EXOC5: variants seen among roughly 807,000 people sequenced by gnomAD.
EXOC5 encodes the protein SEC10-like 1.
EXOC5 carries 17 observed loss-of-function variants against 90.8 expected under a neutral mutation model. The ratio of observed to expected loss-of-function variants is 0.19; its 90% confidence interval spans 0.13 to 0.28. EXOC5 has a LOEUF of 0.28. Ranked by LOEUF, EXOC5 falls within the 10% of genes least tolerant of loss-of-function variation. The probability of loss-of-function intolerance (pLI) is 1.00; values close to 1 mark genes in which losing one functional copy is unlikely to be tolerated. For missense variants in EXOC5, 569 were observed against 830.6 expected (o/e 0.69, Z 3.87); for synonymous variants, 260 against 270.0 (o/e 0.96, Z 0.36).
At chr14:57,235,857 A>G in intron 6 of EXOC5, 37 bp from the exon 7 acceptor site, 2 of 963,486 alleles carry the variant, frequency 2.1e-6, no homozygotes, top group Non-Finnish European at 3.3e-6. Context: ...TGAGGCATAC[A>G]AGGCATCCAC....
chr14:57,211,391 C>T (rs542122016), intron 15 of EXOC5, among the ~76,000 whole-genome samples: 44 of 150,978 alleles, frequency 2.9e-4, no homozygotes, highest in East Asian at 3.9e-4. Context: ...AGAAGTCAGA[C>T]GTCACTTTTT....
Position 57,229,804 on chromosome 14 carries a change from G to T in EXOC5, c.1226C>A (p.Thr409Asn), listed in dbSNP as rs1237035905. The change falls in exon 12 of 18, where the codon ACT becomes AAT. Residue 409 changes from threonine to asparagine, a missense_variant. By Grantham distance (65) the Thr-to-Asn change is moderately conservative. Transcript: ENST00000621441. ...AACCACCACTTCTTGGGATAGAAAAGTCTCCCCATGAGTATCGATACTTGG... is the reference window on the plus strand; with the variant it reads ...AACCACCACTTCTTGGGATAGAAAATTCTCCCCATGAGTATCGATACTTGG... Reference protein sequence around the residue: ...LGPSIDTHGETFLSQEVVVNL... With the variant: ...LGPSIDTHGENFLSQEVVVNL... The T allele has an allele frequency of 6.5e-7, 1 of 1,529,788 alleles. No individual in the cohort carries two copies. Among genetic ancestry groups the T allele is most frequent in the Admixed American group, 2.0e-5 (1 of 50,826 alleles). 94.8% of individuals were successfully genotyped at this position (1,529,788 alleles called of 1,614,324 possible). A position where few individuals can be genotyped will look rare whatever the true frequency, so the allele number is the denominator to read the frequency against.
intron 15 of EXOC5, among the ~76,000 whole-genome samples, chr14:57,214,313 T>A (rs1050821203): frequency 6.6e-6 from 1 of 152,210 alleles, no homozygotes; most frequent in African/African-American, 2.4e-5. Context: ...AACCGTGTGC[T>A]GTGCATCTGT....
chr14:57,263,422 A>G (rs1884574061), intron 1 of EXOC5, among the ~76,000 whole-genome samples: 1 of 151,668 alleles, frequency 6.6e-6, no homozygotes, highest in Non-Finnish European at 1.5e-5. Flanking sequence ...GTGAGCTGTG[A>G]TTACACTACT....
chr14:57,267,438 TA>T (rs1884705259), intron 1 of EXOC5, among the ~76,000 whole-genome samples: 1 of 152,214 alleles, frequency 6.6e-6, no homozygotes, highest in Non-Finnish European at 1.5e-5. Flanking sequence ...CATTTGTTAT[TA>T]AAACTGTGGC....
At chr14:57,234,778 T>C (rs1360144874) in intron 7 of EXOC5, among the ~76,000 whole-genome samples, 1 of 151,892 alleles carries the variant, frequency 6.6e-6, no homozygotes, top group African/African-American at 2.4e-5. Flanking sequence ...TTGCCTAAGC[T>C]GATCTCGAAC....
intron 1 of EXOC5, among the ~76,000 whole-genome samples, chr14:57,266,568 AC>A (rs1364482759): frequency 2.0e-5 from 3 of 152,110 alleles, no homozygotes; most frequent in African/African-American, 7.2e-5. Context: ...ATCTATAAAT[AC>A]GTTTAAATTT....
At chr14:57,244,462 A>G (rs1883972825) in intron 3 of EXOC5, 103 bp from the exon 4 acceptor site, 2 of 840,010 alleles carry the variant, frequency 2.4e-6, no homozygotes, top group African/African-American at 1.7e-5. Context: ...GAAGTTATAT[A>G]CGAGATGATC....
chr14:57,210,096 T>C lies in EXOC5; in HGVS notation c.1614-35A>G, dbSNP rs948293632. The stretch of plus-strand genomic sequence containing the variant: ...TGAGAATACAACATTCTTTAACCCA[T>C]CTAACTTACTCTATGTTTATGTTTA... On this transcript the variant is annotated intron_variant, in intron 15 of 17. Coordinates refer to ENST00000621441, the MANE Select transcript of EXOC5 (RefSeq NM_006544.4). 3 of 896,490 alleles carry C rather than the reference T, an allele frequency of 3.3e-6. No individual in the cohort carries two copies. The East Asian group carries it at 7.6e-5, about 23-fold the overall frequency. The allele number at this position is 896,490 out of a possible 1,614,324, so 55.5% of individuals were successfully genotyped here.
intron 1 of EXOC5, among the ~76,000 whole-genome samples, chr14:57,254,473 G>C (rs1884288302): frequency 6.6e-6 from 1 of 151,780 alleles, no homozygotes; most frequent in Non-Finnish European, 1.5e-5. Flanking sequence ...CTAATATTTA[G>C]GGAAATGCAA....
At chr14:57,216,418 T>A (rs948259525) in intron 15 of EXOC5, among the ~76,000 whole-genome samples, 1 of 152,088 alleles carries the variant, frequency 6.6e-6, no homozygotes, top group East Asian at 1.9e-4. Context: ...ATTAATGCAG[T>A]ATGGTACTGG....
chr14:57,262,132 T>C (rs1225761512), intron 1 of EXOC5, among the ~76,000 whole-genome samples: 1 of 152,174 alleles, frequency 6.6e-6, no homozygotes, highest in Admixed American at 6.5e-5. Context: ...AGATCTCTAA[T>C]CTAGTTCTCA....
At chr14:57,244,072 T>C (rs1883958959) in intron 4 of EXOC5, 93 bp downstream of exon 4, 1 of 789,354 alleles carries the variant, frequency 1.3e-6, no homozygotes, top group South Asian at 1.7e-5. Context: ...CTCAGTGATT[T>C]GAAGTCTAAC....
chr14:57,229,996 C>G (rs1460334874), intron 11 of EXOC5, 115 bp from the exon 12 acceptor site: 1 of 491,284 alleles, frequency 2.0e-6, no homozygotes, highest in Non-Finnish European at 3.3e-6. Flanking sequence ...AGCCAAGAGA[C>G]CTAATTTCTA....
chr14:57,209,657 C>G lies in EXOC5; in HGVS notation c.1848G>C (p.Glu616Asp). The change falls in exon 17 of 18, where the codon GAG becomes GAC. Residue 616 changes from glutamate to aspartate, a missense_variant. This residue lies in a region of EXOC5 where 122 missense variants were observed against 180.0 expected (regional missense o/e 0.68). Transcript: ENST00000621441. ...LGVRFHRLIY[E>D]HLQQYSYSCM... ...AACTGTAGGAATATTGTTGAAGATG[C>G]TCATAGATAAGTCGATGAAAACGTA... 2 of 1,612,762 alleles carry G rather than the reference C, an allele frequency of 1.2e-6. No individual in the cohort carries two copies. The highest frequency in any genetic ancestry group is 1.7e-6 in the Non-Finnish European group (2 of 1,179,016).
intron 1 of EXOC5, among the ~76,000 whole-genome samples, chr14:57,267,849 T>C (rs1475954160): frequency 6.6e-6 from 1 of 152,176 alleles, no homozygotes; most frequent in Non-Finnish European, 1.5e-5. Context: ...TTAGGTGATT[T>C]TATAATACAT....
rs868177967 is a variant in EXOC5 at position 57,208,653 on chromosome 14, G to A, written c.2083C>T (p.Arg695Cys). Residue 695 changes from arginine (R) to cysteine (C), a missense_variant, in exon 18 of 18, where the codon CGT becomes TGT. By Grantham distance (180) the Arg-to-Cys change is radical. This residue lies in a region of EXOC5 where 122 missense variants were observed against 180.0 expected (regional missense o/e 0.68). Coordinates refer to ENST00000621441, the MANE Select transcript of EXOC5 (RefSeq NM_006544.4). ...AGGCGGGCAGATCTATAATCAGCACGAAGTTGTACGAAGGAGTGAAGTATA... is the reference window on the plus strand; with the variant it reads ...AGGCGGGCAGATCTATAATCAGCACAAAGTTGTACGAAGGAGTGAAGTATA... ...KNILHSFVQLRADYRSARLAR... is the reference protein window; with the variant it reads ...KNILHSFVQLCADYRSARLAR... The A allele has an allele frequency of 1.9e-6, 3 of 1,610,954 alleles. No homozygotes were observed. Among genetic ancestry groups the A allele is most frequent in the African/African-American group, 1.3e-5 (1 of 74,968 alleles).
intron 1 of EXOC5, among the ~76,000 whole-genome samples, chr14:57,261,778 C>A (rs920753391): frequency 6.6e-6 from 1 of 152,226 alleles, no homozygotes. Context: ...GGGAGTTCAG[C>A]CAGAGCCAAG....
chr14:57,257,469 GAAGA>G (rs1474915776), intron 1 of EXOC5, among the ~76,000 whole-genome samples: 1 of 152,122 alleles, frequency 6.6e-6, no homozygotes, highest in Non-Finnish European at 1.5e-5. Context: ...GATCTACGAG[GAAGA>G]AAGGCATGCC....
Sources: gnomAD v4.1 joint callset for allele counts (sites outside exome capture counted in the v4.1 genomes callset) on GRCh38, gnomAD v4.1.1 for gene constraint, gnomAD v4.1.1 regional missense constraint, MANE v1.5 for transcripts, NCBI Gene and HGNC (gene_info 2026-07-23, HGNC 2026-07-21) for gene names.